AGK: variants seen among roughly 807,000 people sequenced by gnomAD.
The protein encoded by AGK is acylglycerol kinase.
In AGK, 52 loss-of-function variants were observed where a neutral mutation model predicts 66.4. The observed-to-expected ratio is 0.78, with a 90% CI of 0.63 to 0.99. AGK has a LOEUF of 0.99. Among genes scored for constraint, AGK ranks in the 50% least tolerant of loss-of-function variants. The pLI is 0.00. For synonymous variants in AGK, 182 were observed against 181.1 expected, an observed-to-expected ratio of 1.00 and a Z score of -0.04; for missense variants, 451 against 506.6, an observed-to-expected ratio of 0.89 and a Z score of 1.05.
In AGK at chr7:141,653,239, C is replaced by T. The variant is rs548871444; in HGVS notation, c.*315C>T. 2 of 277,084 alleles carry T rather than the reference C, an allele frequency of 7.2e-6. No homozygotes were observed. The highest frequency in any genetic ancestry group is 1.0e-4 in the South Asian group (2 of 20,044). The allele number at this position is 277,084 out of a possible 1,614,324, so 17.2% of individuals were successfully genotyped here. On this transcript the variant is annotated 3_prime_UTR_variant, in exon 16 of 16. Transcript: ENST00000649286. ...TCCAAAGTGCAACCACAGTGGAGAG[C>T]CCACGGTGGGCTTAGCCTGCCTAGG...
At chr7:141,564,451 A>G (rs1375602498) in intron 2 of AGK, among the ~76,000 whole-genome samples, 3 of 151,182 alleles carry the variant, frequency 2.0e-5, no homozygotes, top group Non-Finnish European at 4.4e-5. Context: ...CTTTAAAAAA[A>G]CCATCAGATC....
intron 14 of AGK, chr7:141,650,708 A>G: frequency 1.0e-6 from 1 of 983,532 alleles, no homozygotes; most frequent in Non-Finnish European, 1.2e-6. Flanking sequence ...CACTCAGTCA[A>G]GGTAGATATT....
chr7:141,623,379 C>CAAAAAAAAAAAAAGA (rs1199972182), intron 9 of AGK, among the ~76,000 whole-genome samples: 1 of 54,146 alleles, frequency 1.8e-5, no homozygotes, highest in Non-Finnish European at 4.5e-5. Context: ...AACTTTTTCT[C>CAAAAAAAAAAAAAGA]AAAAAAAAAA....
intron 2 of AGK, among the ~76,000 whole-genome samples, chr7:141,577,417 C>A (rs911356983): frequency 6.6e-6 from 1 of 152,188 alleles, no homozygotes. Context: ...CCTAGAACCA[C>A]CCCCCAGTTC....
intron 2 of AGK, among the ~76,000 whole-genome samples, chr7:141,570,505 T>C (rs2116876503): frequency 6.6e-6 from 1 of 152,314 alleles, no homozygotes; most frequent in African/African-American, 2.4e-5. Context: ...TAAAAAACTT[T>C]TTATTATGAA....
intron 2 of AGK, among the ~76,000 whole-genome samples, chr7:141,558,754 A>T (rs1795273411): frequency 6.6e-6 from 1 of 152,138 alleles, no homozygotes; most frequent in African/African-American, 2.4e-5. Context: ...ACGGTGTACA[A>T]GGTTTTCAGT....
chr7:141,651,620 A>G lies in AGK; in HGVS notation c.1131+11A>G, dbSNP rs202069684. The G allele has an allele frequency of 7.3e-4, 1,175 of 1,613,188 alleles. 2 individuals are homozygous for G. The highest frequency in any genetic ancestry group is 9.3e-4 in the Non-Finnish European group (1,091 of 1,179,266). On this transcript the variant is annotated intron_variant, in intron 15 of 15. Transcript: ENST00000649286. ...TTGCTTATCCCGGAGGTGAGTGGGG[A>G]AGGGGTCGGTAGTCACAGCATTTGA...
rs779498293 is a variant in AGK, at chr7:141,615,507, C to A, written c.460C>A (p.Leu154Met). The A allele has an allele frequency of 1.9e-6, 3 of 1,613,920 alleles. No individual in the cohort carries two copies. The highest frequency in any genetic ancestry group is 2.5e-6 in the Non-Finnish European group (3 of 1,179,836). ...TAAGATTCCCATTGGATTTATCCCA[C>A]TGGGAGAGACCAGTAGTTTGAGTCA... ...FSKIPIGFIP[L>M]GETSSLSHTL... The change falls in exon 8 of 16, where the codon CTG becomes ATG. Residue 154 changes from leucine to methionine, a missense_variant. Coordinates refer to ENST00000649286, the MANE Select transcript of AGK (RefSeq NM_018238.4).
At chr7:141,561,145 C>T (rs1465572726) in intron 2 of AGK, among the ~76,000 whole-genome samples, 1 of 152,124 alleles carries the variant, frequency 6.6e-6, no homozygotes, top group African/African-American at 2.4e-5. Flanking sequence ...GTATATATAC[C>T]ACATTTTCTT....
chr7:141,609,443 A>G (rs1381377446), intron 5 of AGK, among the ~76,000 whole-genome samples: 1 of 152,220 alleles, frequency 6.6e-6, no homozygotes, highest in Non-Finnish European at 1.5e-5. Context: ...GTTTACCAGT[A>G]TATTATAAAG....
At chr7:141,625,062 C>CCTA (rs1447588455) in intron 9 of AGK, among the ~76,000 whole-genome samples, 3 of 152,140 alleles carry the variant, frequency 2.0e-5, no homozygotes, top group Non-Finnish European at 4.4e-5. Flanking sequence ...TCACTAAAGG[C>CCTA]CTAGATAATT....
chr7:141,555,605 C>A lies in AGK; in HGVS notation c.101+38C>A. On this transcript the variant is annotated intron_variant, in intron 2 of 15. Coordinates refer to ENST00000649286, the MANE Select transcript of AGK (RefSeq NM_018238.4). The surrounding 1 kb of genome is among the most constrained non-coding windows in gnomAD (Gnocchi z 4.2). ...CAGCCCCATCCCACCTTTGCATCTG[C>A]AGCAAAACAGCCCCAAAGGGCCTCA... 1.4e-6 allele frequency: 2 copies of A among 1,474,310 alleles called. No homozygotes were observed. The highest frequency in any genetic ancestry group is 1.9e-6 in the Non-Finnish European group (2 of 1,059,050). 91.3% of individuals were successfully genotyped at this position (1,474,310 alleles called of 1,614,324 possible).
At chr7:141,571,122 A>G (rs539772158) in intron 2 of AGK, among the ~76,000 whole-genome samples, 4 of 152,162 alleles carry the variant, frequency 2.6e-5, no homozygotes, top group African/African-American at 9.7e-5. Flanking sequence ...TTCATTTTTG[A>G]TTTTGGAAAA....
At chr7:141,563,381 C>T (rs1451114698) in intron 2 of AGK, among the ~76,000 whole-genome samples, 1 of 152,210 alleles carries the variant, frequency 6.6e-6, no homozygotes, top group African/African-American at 2.4e-5. Flanking sequence ...ATCTTCCATC[C>T]TTCAAGACTT....
intron 9 of AGK, among the ~76,000 whole-genome samples, chr7:141,632,353 GT>G (rs1797077735): frequency 6.6e-6 from 1 of 151,872 alleles, no homozygotes; most frequent in Non-Finnish European, 1.5e-5. Context: ...TTTATTGTTG[GT>G]ACATAAAGCA....
intron 5 of AGK, among the ~76,000 whole-genome samples, chr7:141,606,310 G>A (rs1039719609): frequency 6.6e-6 from 1 of 152,096 alleles, no homozygotes; most frequent in African/African-American, 2.4e-5. Context: ...TTTCCATGAG[G>A]TATGGGCTAT....
At chr7:141,636,383 C>T (rs755086751) in intron 10 of AGK, among the ~76,000 whole-genome samples, 9 of 151,960 alleles carry the variant, frequency 5.9e-5, no homozygotes, top group Non-Finnish European at 1.2e-4. Flanking sequence ...TAGATGTAAA[C>T]AAATGCAGAT....
intron 5 of AGK, among the ~76,000 whole-genome samples, chr7:141,604,965 A>ATTT (rs547865876): frequency 6.9e-6 from 1 of 145,206 alleles, no homozygotes. Context: ...AAATTCCTCA[A>ATTT]TTTTTTTTTT....
chr7:141,649,926 A>C (rs1304341009), intron 14 of AGK, among the ~76,000 whole-genome samples: 1 of 152,254 alleles, frequency 6.6e-6, no homozygotes, highest in Non-Finnish European at 1.5e-5. Context: ...TTTCCAATAC[A>C]GAATACCCTT....
Sources: gnomAD v4.1 joint callset for allele counts (sites outside exome capture counted in the v4.1 genomes callset) on GRCh38, gnomAD v4.1.1 for gene constraint, Gnocchi (gnomAD v3.1) non-coding constraint, MANE v1.5 for transcripts, NCBI Gene and HGNC (gene_info 2026-07-23, HGNC 2026-07-21) for gene names.